The following NXPE2 variants were observed in gnomAD, a reference collection of about 807,000 sequenced individuals.
NXPE2 encodes the protein neurexophilin and PC-esterase domain family member 2, also known as NXPE family member 2.
In NXPE2, 34 loss-of-function variants were observed where a neutral mutation model predicts 34.4. The observed-to-expected ratio is 0.99, with a 90% CI of 0.75 to 1.31. NXPE2 has a LOEUF of 1.31. NXPE2 is among the 40% of genes most tolerant of loss of function. The probability of loss-of-function intolerance (pLI) is 0.00; values close to 1 mark genes in which losing one functional copy is unlikely to be tolerated. For synonymous variants in NXPE2, 235 were observed against 231.3 expected, an observed-to-expected ratio of 1.02 and a Z score of -0.15; for missense variants, 649 against 672.5, an observed-to-expected ratio of 0.97 and a Z score of 0.39.
chr11:114,510,186 C>A, the NXPE2 span, among the ~76,000 whole-genome samples: 1 of 152,120 alleles, frequency 6.6e-6, no homozygotes, highest in African/African-American at 2.4e-5. Context: ...AGAATGAATA[C>A]ATTTTTAGAT....
the NXPE2 span, chr11:114,583,396 C>T: frequency 1.6e-6 from 1 of 629,272 alleles, no homozygotes; most frequent in Non-Finnish European, 3.0e-6. Context: ...ATGGTTTCTA[C>T]TGAAAAATGG....
chr11:114,585,732 C>G, the NXPE2 span, among the ~76,000 whole-genome samples: 1 of 152,010 alleles, frequency 6.6e-6, no homozygotes, highest in African/African-American at 2.4e-5. Context: ...CAAGGCTTCC[C>G]TTTTTAACAA....
the NXPE2 span, among the ~76,000 whole-genome samples, chr11:114,667,322 T>G: frequency 1.3e-5 from 2 of 152,162 alleles, no homozygotes; most frequent in Non-Finnish European, 2.9e-5. Context: ...ATAATTATAT[T>G]TAATAACTAA....
At chr11:114,558,515 T>C in the NXPE2 span, among the ~76,000 whole-genome samples, 1 of 152,198 alleles carries the variant, frequency 6.6e-6, no homozygotes, top group Non-Finnish European at 1.5e-5. Flanking sequence ...AGAAAGTTTG[T>C]GAAGTGTTTC....
At chr11:114,467,175 G>A in the NXPE2 span, among the ~76,000 whole-genome samples, 1 of 152,190 alleles carries the variant, frequency 6.6e-6, no homozygotes, top group African/African-American at 2.4e-5. Context: ...GCATAACACT[G>A]ACGTTTGTCA....
chr11:114,808,571 C>T, the NXPE2 span, among the ~76,000 whole-genome samples: 63,752 of 68,400 alleles, frequency 0.93, 30,215 homozygotes, highest in Middle Eastern at 1. Flanking sequence ...AACATCTCTA[C>T]GCAAATAAAC....
chr11:114,709,365 G>T (rs1859567917), downstream of NXPE2, among the ~76,000 whole-genome samples: 1 of 152,060 alleles, frequency 6.6e-6, no homozygotes, highest in Non-Finnish European at 1.5e-5. Context: ...CCAAATGTTG[G>T]TAAGTGTCAA....
chr11:114,694,205 A>G lies in NXPE2; in HGVS notation c.133-3840A>G, dbSNP rs188603874. Reference sequence around the variant, plus strand: ...CTGTATAATTTAAGATACTATTCCCATCTCAAGGTCAGCTAATTAGCAAGC... The same window carrying G: ...CTGTATAATTTAAGATACTATTCCCGTCTCAAGGTCAGCTAATTAGCAAGC... On this transcript the variant is annotated intron_variant, in intron 2 of 5. Transcript: ENST00000389586. 6.6e-4 allele frequency among the ~76,000 whole-genome samples: 101 copies of G among 152,296 alleles called. 1 individual carries two copies. The highest frequency in any genetic ancestry group is 4.8e-5 in the African/African-American group (2 of 41,556).
the NXPE2 span, chr11:114,527,786 T>C: frequency 8.1e-7 from 1 of 1,241,358 alleles, no homozygotes; most frequent in Non-Finnish European, 1.1e-6. Context: ...TTTAGGTTAA[T>C]GCTGATAAAA....
chr11:114,808,872 C>G, the NXPE2 span, among the ~76,000 whole-genome samples: 1 of 152,164 alleles, frequency 6.6e-6, no homozygotes, highest in African/African-American at 2.4e-5. Context: ...ATACCAAAGC[C>G]TGGCAGAGAC....
At chr11:114,702,547 A>C (rs76474951) in intron 3 of NXPE2, among the ~76,000 whole-genome samples, 182 of 152,356 alleles carry the variant, frequency 1.2e-3, no homozygotes, top group African/African-American at 4.3e-3. Context: ...ACTATATGCC[A>C]ACATTTATGT....
the NXPE2 span, among the ~76,000 whole-genome samples, chr11:114,772,427 A>T: frequency 6.6e-6 from 1 of 152,104 alleles, no homozygotes. Context: ...CCCATGTGGC[A>T]CTTCATTTAG....
chr11:114,630,664 T>C, the NXPE2 span, among the ~76,000 whole-genome samples: 12 of 150,710 alleles, frequency 8.0e-5, 1 homozygote, highest in Non-Finnish European at 1.3e-4. Context: ...AAAGCCAAAA[T>C]TGACAAATGG....
At chr11:114,495,068 A>G in the NXPE2 span, among the ~76,000 whole-genome samples, 1 of 152,192 alleles carries the variant, frequency 6.6e-6, no homozygotes, top group Admixed American at 6.5e-5. Flanking sequence ...AGCGAACAAA[A>G]GTCTCTGTCT....
chr11:114,540,587 A>G, the NXPE2 span, among the ~76,000 whole-genome samples: 1 of 152,110 alleles, frequency 6.6e-6, no homozygotes, highest in Non-Finnish European at 1.5e-5. Flanking sequence ...TTTAAGTATA[A>G]CAAAAGAGTT....
At chr11:114,645,054 C>A in the NXPE2 span, among the ~76,000 whole-genome samples, 1 of 151,626 alleles carries the variant, frequency 6.6e-6, no homozygotes, top group East Asian at 1.9e-4. Flanking sequence ...GTAATCTCAG[C>A]ACTTTGGGAG....
At chr11:114,690,481 C>T (rs931243863) in intron 2 of NXPE2, among the ~76,000 whole-genome samples, 9 of 152,096 alleles carry the variant, frequency 5.9e-5, no homozygotes, top group African/African-American at 2.2e-4. Context: ...GTCTGATGGG[C>T]TTCCCTTTAT....
chr11:114,738,418 T>C, the NXPE2 span, among the ~76,000 whole-genome samples: 1 of 152,134 alleles, frequency 6.6e-6, no homozygotes, highest in Non-Finnish European at 1.5e-5. Flanking sequence ...ATCAAATTGC[T>C]CTCCACTCTC....
chr11:114,570,896 AT>A, the NXPE2 span: 1 of 1,429,204 alleles, frequency 7.0e-7, no homozygotes, highest in Non-Finnish European at 9.5e-7. Flanking sequence ...CAGTCAATAA[AT>A]TTTTTTACTT....
Sources: gnomAD v4.1 joint callset for allele counts (sites outside exome capture counted in the v4.1 genomes callset) on GRCh38, gnomAD v4.1.1 for gene constraint, MANE v1.5 for transcripts, NCBI Gene and HGNC (gene_info 2026-07-23, HGNC 2026-07-21) for gene names.